Variants in PDIA5 observed in about 807,000 individuals in gnomAD.
The protein encoded by PDIA5 is protein disulfide isomerase family A member 5.
In PDIA5, 58 loss-of-function variants were observed where a neutral mutation model predicts 77.6. The observed-to-expected ratio is 0.75, with a 90% confidence interval of 0.61 to 0.93. The LOEUF (loss-of-function observed/expected upper bound fraction) is 0.93, where lower values mean the gene tolerates loss of function less well. PDIA5 is among the 40% of genes least tolerant of loss of function. The probability of loss-of-function intolerance (pLI) is 0.00; values close to 1 mark genes in which losing one functional copy is unlikely to be tolerated. For missense variants in PDIA5, 630 were observed against 647.7 expected (o/e 0.97, Z 0.30); for synonymous variants, 250 against 252.1 (o/e 0.99, Z 0.08).
At position 123,146,257 on chromosome 3, in the gene PDIA5, A is replaced by G. The variant is rs376677056; in HGVS notation, c.1140A>G (p.Gln380=). 2 of 1,613,728 alleles carry G rather than the reference A, an allele frequency of 1.2e-6. No individual in the cohort carries two copies. Among genetic ancestry groups the G allele is most frequent in the Non-Finnish European group, 1.7e-6 (2 of 1,179,720 alleles). ...RTKKKFLEWM[Q]NPEAPPPPEP... ...AGAAGAAGTTTCTCGAGTGGATGCA[A>G]AAGTAAGTGTTACGATCTCAGTAGC... Residue 380 remains glutamine, a splice_region_variant and synonymous_variant, in exon 13 of 17, where the codon CAA becomes CAG. Transcript: ENST00000316218.
intron 8 of PDIA5, among the ~76,000 whole-genome samples, chr3:123,118,716 A>G (rs539795781): frequency 7.2e-5 from 11 of 152,288 alleles, no homozygotes; most frequent in African/African-American, 2.6e-4. Flanking sequence ...GTTCATGTCT[A>G]TTTCTTTAGC....
intron 7 of PDIA5, among the ~76,000 whole-genome samples, chr3:123,114,605 T>C (rs1477243820): frequency 6.6e-6 from 1 of 152,236 alleles, no homozygotes; most frequent in East Asian, 1.9e-4. Flanking sequence ...ATCTGCAGCC[T>C]CCTGTTTTCC....
At chr3:123,149,375 C>T (rs1935834348) in intron 13 of PDIA5, among the ~76,000 whole-genome samples, 1 of 152,208 alleles carries the variant, frequency 6.6e-6, no homozygotes, top group South Asian at 2.1e-4. Flanking sequence ...ACAGAGAGGG[C>T]TGCACTCAGC....
chr3:123,075,389 T>C (rs56200000), intron 1 of PDIA5, among the ~76,000 whole-genome samples: 20,277 of 151,954 alleles, frequency 0.13, 1,592 homozygotes, highest in Non-Finnish European at 0.18. Flanking sequence ...AACTTCAACA[T>C]TGAAAGAATG....
At chr3:123,106,136 C>T (rs1934725127) in intron 5 of PDIA5, among the ~76,000 whole-genome samples, 1 of 152,228 alleles carries the variant, frequency 6.6e-6, no homozygotes, top group African/African-American at 2.4e-5. Flanking sequence ...AGGGTGAGGC[C>T]ACATTGGTGC....
chr3:123,117,374 T>TTTTATATATA (rs1553800660), intron 8 of PDIA5, among the ~76,000 whole-genome samples: 4 of 79,870 alleles, frequency 5.0e-5, no homozygotes, highest in South Asian at 5.7e-4. Flanking sequence ...TTCTATGATT[T>TTTTATATATA]TATATATATA....
intron 1 of PDIA5, among the ~76,000 whole-genome samples, chr3:123,082,141 C>T (rs1462518662): frequency 6.6e-6 from 1 of 152,186 alleles, no homozygotes; most frequent in Non-Finnish European, 1.5e-5. Context: ...GTCTAAACCC[C>T]TGCTGGGACC....
At chr3:123,073,386 G>A (rs1343891856) in intron 1 of PDIA5, among the ~76,000 whole-genome samples, 5 of 152,170 alleles carry the variant, frequency 3.3e-5, no homozygotes, top group Admixed American at 6.5e-5. Context: ...AAGCAGCTGC[G>A]TTGGCAGCCA....
chr3:123,145,683 C>A (rs1935752717), intron 12 of PDIA5, 91 bp downstream of exon 12: 1 of 1,120,236 alleles, frequency 8.9e-7, no homozygotes, highest in Non-Finnish European at 1.3e-6. Context: ...AGCCCTGCTG[C>A]AGCTCCCGTG....
chr3:123,102,623 A>T, intron 4 of PDIA5, 128 bp from the exon 5 acceptor site: 2 of 1,064,680 alleles, frequency 1.9e-6, no homozygotes, highest in Non-Finnish European at 2.8e-6. Context: ...GTTTACAATT[A>T]TTTCTTTTAA....
At chr3:123,110,372 T>C (rs1025369907) in intron 6 of PDIA5, among the ~76,000 whole-genome samples, 1 of 152,242 alleles carries the variant, frequency 6.6e-6, no homozygotes, top group Admixed American at 6.5e-5. Context: ...CGTGGACTCC[T>C]GGGGATAAGG....
At chr3:123,151,787 GCCTTCCTGCCT>G (rs1560561709) in intron 14 of PDIA5, among the ~76,000 whole-genome samples, 34 of 86,712 alleles carry the variant, frequency 3.9e-4, no homozygotes, top group Non-Finnish European at 4.9e-4. Flanking sequence ...TGCCTGGCCT[GCCTTCCTGCCT>G]GCCTGCCTTC....
intron 7 of PDIA5, among the ~76,000 whole-genome samples, chr3:123,114,208 T>G (rs1934938851): frequency 6.6e-6 from 1 of 152,224 alleles, no homozygotes; most frequent in African/African-American, 2.4e-5. Flanking sequence ...AATAAAGTTC[T>G]TGATAGATGA....
At chr3:123,097,587 C>T (rs536404244) in intron 3 of PDIA5, among the ~76,000 whole-genome samples, 30 of 152,296 alleles carry the variant, frequency 2.0e-4, no homozygotes, top group African/African-American at 7.0e-4. Flanking sequence ...ACTTCTCTCT[C>T]ATTGTCTCCT....
chr3:123,142,206 TG>T (rs1269499352), intron 11 of PDIA5, among the ~76,000 whole-genome samples: 1 of 152,240 alleles, frequency 6.6e-6, no homozygotes, highest in African/African-American at 2.4e-5. Context: ...CTGTCCCCAC[TG>T]GATCGCGGGC....
At chr3:123,111,374 G>T (rs935029022) in intron 7 of PDIA5, among the ~76,000 whole-genome samples, 1 of 152,204 alleles carries the variant, frequency 6.6e-6, no homozygotes, top group Non-Finnish European at 1.5e-5. Flanking sequence ...TGGCGTCATG[G>T]TCCAGAGCCT....
At chr3:123,151,075 A>G (rs1474341328) in intron 14 of PDIA5, among the ~76,000 whole-genome samples, 1 of 152,138 alleles carries the variant, frequency 6.6e-6, no homozygotes, top group Non-Finnish European at 1.5e-5. Context: ...TCTAGCCATA[A>G]ACCTGCTCAG....
intron 7 of PDIA5, among the ~76,000 whole-genome samples, chr3:123,114,609 G>A (rs191534826): frequency 6.6e-6 from 1 of 152,318 alleles, no homozygotes; most frequent in African/African-American, 2.4e-5. Flanking sequence ...GCAGCCTCCT[G>A]TTTTCCACCC....
intron 14 of PDIA5, 54 bp downstream of exon 14, chr3:123,150,418 C>T (rs1935864572): frequency 1.3e-6 from 2 of 1,557,856 alleles, no homozygotes; most frequent in Admixed American, 3.9e-5. Flanking sequence ...TTGGCCCCAC[C>T]AAACCAAAAA....
Sources: allele counts gnomAD v4.1 joint callset (sites outside exome capture counted in the v4.1 genomes callset), GRCh38; gene constraint gnomAD v4.1.1; transcripts MANE v1.5; gene names NCBI Gene and HGNC (gene_info 2026-07-23, HGNC 2026-07-21).